The following POLR3A variants were observed in gnomAD, a reference collection of about 807,000 sequenced individuals.
POLR3A encodes DNA-directed RNA polymerase III subunit RPC1.
In POLR3A, 112 loss-of-function variants were observed where a neutral mutation model predicts 152.8. That is an observed-to-expected ratio of 0.73 (90% CI 0.63 to 0.86). The LOEUF (loss-of-function observed/expected upper bound fraction) is 0.86. Among genes scored for constraint, POLR3A ranks in the 40% least tolerant of loss-of-function variants. The pLI, the probability that POLR3A is intolerant of heterozygous loss-of-function variation, is 0.00. For missense variants in POLR3A, 1,385 were observed against 1,743.1 expected (o/e 0.79, Z 3.66); for synonymous variants, 615 against 652.1 (o/e 0.94, Z 0.87).
At position 77,981,349 on chromosome 10, in the gene POLR3A, T is replaced by C; in HGVS notation, c.3891+79A>G. The C allele has an allele frequency of 2.9e-6, 4 of 1,384,932 alleles. No homozygotes were observed. In the South Asian group the frequency reaches 4.6e-5, roughly 16 times the overall value. 85.8% of individuals were successfully genotyped at this position (1,384,932 alleles called of 1,614,324 possible). A position where few individuals can be genotyped will look rare whatever the true frequency, so the allele number is the denominator to read the frequency against. ...CTCACAGCAGCGTATTCTACATGTCTTAGAAACTCCACAGGCTTATTCTCC... is the reference window on the plus strand; with the variant it reads ...CTCACAGCAGCGTATTCTACATGTCCTAGAAACTCCACAGGCTTATTCTCC... On this transcript the variant is annotated intron_variant, in intron 29 of 30. Transcript: ENST00000372371.
At chr10:78,009,813 C>T (rs760876376) in intron 13 of POLR3A, 51 bp downstream of exon 13, 18 of 1,610,530 alleles carry the variant, frequency 1.1e-5, no homozygotes, top group Admixed American at 1.7e-5. Flanking sequence ...CAGTCTACCC[C>T]CACAGACACA....
chr10:77,981,377 A>C, intron 29 of POLR3A, 51 bp downstream of exon 29: 3 of 1,577,136 alleles, frequency 1.9e-6, no homozygotes, highest in Non-Finnish European at 2.6e-6. Flanking sequence ...TATTCTCCTG[A>C]AAGTGAGTTT....
chr10:77,983,188 T>C (rs1177755141), intron 26 of POLR3A, among the ~76,000 whole-genome samples: 1 of 152,160 alleles, frequency 6.6e-6, no homozygotes, highest in Non-Finnish European at 1.5e-5. Flanking sequence ...CAATGGTTCA[T>C]GTGCTACGTT....
intron 16 of POLR3A, among the ~76,000 whole-genome samples, chr10:78,004,417 G>A (rs891355858): frequency 2.6e-5 from 4 of 152,112 alleles, no homozygotes; most frequent in Non-Finnish European, 4.4e-5. Flanking sequence ...TCGTGTGGCC[G>A]AATGAACAGA....
chr10:78,025,083 C>CAG lies in POLR3A; in HGVS notation c.376_377dup (p.Asp127TrpfsTer4). The CAG allele has an allele frequency of 6.2e-7, 1 of 1,614,170 alleles. No individual in the cohort carries two copies. The highest frequency in any genetic ancestry group is 8.5e-7 in the Non-Finnish European group (1 of 1,180,014). ...TCAGGCCGGGCCTCTTTAGATAGTC[C>CAG]AGAAACTGCTTCTTCTCCTCTTGGG... is the stretch of plus-strand genomic sequence containing the variant. On this transcript the variant is annotated frameshift_variant, in exon 4 of 31. Transcript: ENST00000372371. LOFTEE classifies it high-confidence loss of function.
intron 1 of POLR3A, among the ~76,000 whole-genome samples, chr10:78,028,940 C>T (rs1847662943): frequency 6.6e-6 from 1 of 152,134 alleles, no homozygotes; most frequent in Admixed American, 6.5e-5. Context: ...AGTGGGCAAC[C>T]CCATCCTTTT....
intron 20 of POLR3A, among the ~76,000 whole-genome samples, chr10:77,991,909 C>T (rs1481826668): frequency 2.6e-5 from 4 of 152,206 alleles, no homozygotes; most frequent in Non-Finnish European, 5.9e-5. Flanking sequence ...GACAGACCAT[C>T]ATGTATTTGA....
Position 78,017,577 on chromosome 10 carries a change from G to C in POLR3A, c.1429C>G (p.Leu477Val), listed in dbSNP as rs1847536822. 1.2e-6 allele frequency: 2 copies of C among 1,614,060 alleles called. No individual in the cohort carries two copies. The highest frequency in any genetic ancestry group is 1.6e-4 in the Middle Eastern group (1 of 6,062). Reference protein sequence around the residue: ...SLHKLSIMAHLARVKPHRTFR... With the variant: ...SLHKLSIMAHVARVKPHRTFR... ...ATTTAAAAAGCAGTGCTACTCACCA[G>C]ATGAGCCATAATGCTCAATTTGTGC... The change falls in exon 10 of 31, where the codon CTG (leucine) becomes GTG (valine). Residue 477 changes from leucine to valine, a missense_variant and splice_region_variant. Around this residue, in one of 7 missense-constraint regions of POLR3A, gnomAD observed 493 missense variants for 647.5 expected, o/e 0.76. Transcript: ENST00000372371.
In POLR3A at chr10:77,981,449, G is replaced by A. The variant is rs199979965; in HGVS notation, c.3870C>T (p.Leu1290=). ...ATACCTTGTAGGTCATGAGGTCGGA[G>A]AGCAGCATCACGTGCCTCCTGTCGA... ...MSIDRRHVML[L]SDLMTYKGEV... Residue 1290 remains leucine, a synonymous_variant, in exon 29 of 31, where the codon CTC becomes CTT. Transcript: ENST00000372371. 4.8e-5 allele frequency: 78 copies of A among 1,613,982 alleles called. No homozygotes were observed. Among genetic ancestry groups the A allele is most frequent in the Non-Finnish European group, 6.1e-5 (72 of 1,179,996 alleles).
intron 3 of POLR3A, 107 bp from the exon 4 acceptor site, chr10:78,025,249 T>A: frequency 1.7e-6 from 2 of 1,164,892 alleles, no homozygotes; most frequent in Non-Finnish European, 2.5e-6. Flanking sequence ...CGTGACCATA[T>A]ACACAGATCT....
intron 10 of POLR3A, among the ~76,000 whole-genome samples, chr10:78,014,677 A>G (rs1589315317): frequency 6.6e-6 from 1 of 152,142 alleles, no homozygotes; most frequent in East Asian, 1.9e-4. Flanking sequence ...TGCTGGCATT[A>G]CAGGCTTGAG....
At position 78,011,319 on chromosome 10, in the gene POLR3A, G is replaced by C. The variant is rs948863743; in HGVS notation, c.1573-779C>G. On this transcript the variant is annotated intron_variant, in intron 11 of 30. Transcript: ENST00000372371. ...TCTAATAATAATCAATCCAACAACA[G>C]AATTTAATTAAACATTTAATGAGGG... 1.1e-4 allele frequency among the ~76,000 whole-genome samples: 17 copies of C among 152,118 alleles called. 1 individual carries two copies. Among genetic ancestry groups the C allele is most frequent in the African/African-American group, 4.1e-4 (17 of 41,424 alleles).
intron 1 of POLR3A, among the ~76,000 whole-genome samples, chr10:78,026,713 C>A (rs541972993): frequency 1.3e-5 from 2 of 152,340 alleles, no homozygotes; most frequent in East Asian, 3.9e-4. Context: ...CTTATCTTCT[C>A]ATCCTACACA....
Position 77,982,573 on chromosome 10 carries a change from A to T in POLR3A, c.3594+80T>A, listed in dbSNP as rs2131928103. 2.3e-6 allele frequency: 3 copies of T among 1,295,088 alleles called. No homozygotes were observed. The South Asian group carries it at 3.6e-5, about 16-fold the overall frequency. 80.2% of individuals were successfully genotyped at this position (1,295,088 alleles called of 1,614,324 possible). ...AGAAATTAAGAAATCGGACTAAGTG[A>T]CAAAGCCCTTAGGTCCCAGCCCTGG... On this transcript the variant is annotated intron_variant, in intron 27 of 30. Transcript: ENST00000372371.
rs978045887 is a variant in POLR3A at position 77,982,374 on chromosome 10, A to G, written c.3595-56T>C. Reference sequence around the variant, plus strand: ...ACGGGGTGAGCCATGCCCTGGGCTGATCACCTTGATCACCCCAGCTTTCAG... The same window carrying G: ...ACGGGGTGAGCCATGCCCTGGGCTGGTCACCTTGATCACCCCAGCTTTCAG... On this transcript the variant is annotated intron_variant, in intron 27 of 30. Transcript: ENST00000372371. 3 of 1,480,784 alleles carry G rather than the reference A, an allele frequency of 2.0e-6. No homozygotes were observed. The African/African-American group carries it at 4.2e-5, about 21-fold the overall frequency. 91.7% of individuals were successfully genotyped at this position (1,480,784 alleles called of 1,614,324 possible). A position where few individuals can be genotyped will look rare whatever the true frequency, so the allele number is the denominator to read the frequency against.
intron 15 of POLR3A, among the ~76,000 whole-genome samples, chr10:78,005,456 A>C (rs1392769262): frequency 6.6e-6 from 1 of 152,250 alleles, no homozygotes; most frequent in Non-Finnish European, 1.5e-5. Flanking sequence ...CACACACACA[A>C]AAAAGTATTC....
intron 11 of POLR3A, 79 bp from the exon 12 acceptor site, chr10:78,010,619 G>C: frequency 1.0e-6 from 1 of 990,338 alleles, no homozygotes. Context: ...CAAGGTTTTT[G>C]AATAGTTATG....
chr10:77,988,184 C>T (rs542080783), intron 21 of POLR3A, among the ~76,000 whole-genome samples: 4 of 152,130 alleles, frequency 2.6e-5, no homozygotes, highest in Non-Finnish European at 5.9e-5. Context: ...GAGGGTGACC[C>T]TGCAGCCCAA....
chr10:78,017,743 T>A, intron 9 of POLR3A, 27 bp from the exon 10 acceptor site: 1 of 1,613,664 alleles, frequency 6.2e-7, no homozygotes, highest in Non-Finnish European at 8.5e-7. Flanking sequence ...AAACATGATC[T>A]GTGAAAGCAA....
Sources: allele counts gnomAD v4.1 joint callset (sites outside exome capture counted in the v4.1 genomes callset), GRCh38; gene constraint gnomAD v4.1.1; regional missense constraint gnomAD v4.1.1; transcripts MANE v1.5; gene names NCBI Gene and HGNC (gene_info 2026-07-23, HGNC 2026-07-21).